Variants in UNC13C observed in about 807,000 individuals in gnomAD.
UNC13C encodes unc-13 homolog C.
A neutral mutation model predicts 245.4 loss-of-function variants in UNC13C; 174 were observed. The ratio of observed to expected loss-of-function variants is 0.71; its 90% CI spans 0.63 to 0.80. The LOEUF (loss-of-function observed/expected upper bound fraction) is 0.80. Among genes scored for constraint, UNC13C ranks in the 30% least tolerant of loss-of-function variants. UNC13C has a pLI of 0.00. For synonymous variants in UNC13C, 992 were observed against 895.1 expected (o/e 1.11, Z -1.93); for missense variants, 2,829 against 2,602.9 (o/e 1.09, Z -1.89).
chr15:54,478,590 G>A (rs1164829587), intron 19 of UNC13C, among the ~76,000 whole-genome samples: 1 of 151,756 alleles, frequency 6.6e-6, no homozygotes, highest in African/African-American at 2.4e-5. Flanking sequence ...TTCAGGAGCA[G>A]GTTGTTCAGT....
chr15:54,516,341 C>T lies in UNC13C; in HGVS notation c.5457+4511C>T, dbSNP rs1032872618. On this transcript the variant is annotated intron_variant, in intron 24 of 32. Coordinates refer to ENST00000260323, the MANE Select transcript of UNC13C (RefSeq NM_001080534.3). ...TGAACTTCAGCACGCATCAGAACTA[C>T]CTGATGAGTTTATGAAAAACACACA... 3.3e-5 allele frequency among the ~76,000 whole-genome samples: 5 copies of T among 152,176 alleles called. No homozygotes were observed. In the South Asian group the frequency reaches 1.0e-3, roughly 32 times the overall value.
chr15:53,879,978 C>T, the UNC13C span, among the ~76,000 whole-genome samples: 81,888 of 145,460 alleles, frequency 0.56, 22,751 homozygotes, highest in Admixed American at 0.66. Flanking sequence ...TGTGTATATA[C>T]ATATATATGT....
chr15:54,572,900 T>A (rs899808842), intron 30 of UNC13C, among the ~76,000 whole-genome samples: 17 of 152,188 alleles, frequency 1.1e-4, no homozygotes, highest in Non-Finnish European at 1.6e-4. Flanking sequence ...CTTATTCTCA[T>A]ATAATTTCCC....
the UNC13C span, among the ~76,000 whole-genome samples, chr15:53,849,989 C>T: frequency 6.6e-6 from 1 of 152,300 alleles, no homozygotes; most frequent in East Asian, 1.9e-4. Flanking sequence ...CCTTCTTTGT[C>T]TTGTCTGTAG....
rs186907742 is a variant in UNC13C, at chr15:54,013,143, C to T, written c.240C>T (p.Asp80=). ...CTCACAACTTATCCACTGAGGAAGA[C>T]GAGGCCAGTAAAGAGTTTTCCCTCT... ...SSTHNLSTEE[D]EASKEFSLSP... The change falls in exon 2 of 33, where the codon GAC becomes GAT. Residue 80 remains aspartate, a synonymous_variant. Transcript: ENST00000260323. 102 of 1,613,822 alleles carry T rather than the reference C, an allele frequency of 6.3e-5. 1 individual carries two copies. The East Asian group carries it at 1.2e-3, about 19-fold the overall frequency.
At position 54,325,727 on chromosome 15, in the gene UNC13C, A is replaced by T. The variant is rs369323809; in HGVS notation, c.4425+3632A>T. Reference sequence around the variant, plus strand: ...CTAAAATTTTTTATAAAATACCTTAAGTCTGTATTAACTTTATAACAACAT... The same window carrying T: ...CTAAAATTTTTTATAAAATACCTTATGTCTGTATTAACTTTATAACAACAT... On this transcript the variant is annotated intron_variant, in intron 14 of 32. Coordinates refer to ENST00000260323, the MANE Select transcript of UNC13C (RefSeq NM_001080534.3). Among the ~76,000 whole-genome samples, 4 of 152,184 alleles carry T rather than the reference A, an allele frequency of 2.6e-5. No homozygotes were observed. In the East Asian group the frequency reaches 5.8e-4, roughly 22 times the overall value.
the UNC13C span, among the ~76,000 whole-genome samples, chr15:53,886,949 C>G: frequency 6.6e-6 from 1 of 152,042 alleles, no homozygotes; most frequent in African/African-American, 2.4e-5. Flanking sequence ...TCAAGGTCAT[C>G]AAAAACAAGG....
At chr15:54,458,784 G>T (rs1388540430) in intron 19 of UNC13C, among the ~76,000 whole-genome samples, 1 of 127,674 alleles carries the variant, frequency 7.8e-6, no homozygotes, top group Admixed American at 9.2e-5. Context: ...AAGTTTATGT[G>T]TATCCTTCTC....
At chr15:53,894,971 A>G in the UNC13C span, among the ~76,000 whole-genome samples, 23 of 148,462 alleles carry the variant, frequency 1.5e-4, no homozygotes, top group African/African-American at 5.7e-4. Flanking sequence ...AATTATGTTT[A>G]TCAATATTAC....
chr15:54,386,089 A>G (rs2039830986), intron 17 of UNC13C, among the ~76,000 whole-genome samples: 1 of 152,186 alleles, frequency 6.6e-6, no homozygotes, highest in South Asian at 2.1e-4. Context: ...CATATTATTA[A>G]TGTGAGGTGA....
intron 13 of UNC13C, among the ~76,000 whole-genome samples, chr15:54,311,604 G>A (rs541182403): frequency 2.0e-5 from 3 of 151,516 alleles, no homozygotes; most frequent in African/African-American, 7.2e-5. Flanking sequence ...AGGAACTTAT[G>A]CACCAAGATC....
chr15:54,275,073 C>G (rs960889418), intron 10 of UNC13C, among the ~76,000 whole-genome samples: 4 of 152,088 alleles, frequency 2.6e-5, no homozygotes, highest in Non-Finnish European at 4.4e-5. Flanking sequence ...TAGACTAAAA[C>G]TTAAATATGC....
intron 30 of UNC13C, among the ~76,000 whole-genome samples, chr15:54,576,388 T>C (rs143192274): frequency 1.3e-5 from 2 of 152,208 alleles, no homozygotes; most frequent in African/African-American, 4.8e-5. Context: ...GTACTCTACA[T>C]GTTAGTATCA....
At chr15:54,040,377 C>T (rs1896760805) in intron 2 of UNC13C, among the ~76,000 whole-genome samples, 1 of 152,102 alleles carries the variant, frequency 6.6e-6, no homozygotes, top group South Asian at 2.1e-4. Context: ...GGTCTGTGAA[C>T]CAGCATGATG....
the UNC13C span, among the ~76,000 whole-genome samples, chr15:53,896,379 G>T: frequency 6.6e-6 from 1 of 152,118 alleles, no homozygotes; most frequent in East Asian, 1.9e-4. Context: ...GAGTGCTGCT[G>T]TGCTCTTCTG....
At chr15:54,290,146 T>C (rs965537030) in intron 10 of UNC13C, among the ~76,000 whole-genome samples, 1 of 152,094 alleles carries the variant, frequency 6.6e-6, no homozygotes, top group African/African-American at 2.4e-5. Flanking sequence ...AGTAAAACTG[T>C]ACGTTTCTGA....
intron 30 of UNC13C, among the ~76,000 whole-genome samples, chr15:54,609,755 A>T (rs2141286635): frequency 6.6e-6 from 1 of 152,294 alleles, no homozygotes; most frequent in East Asian, 1.9e-4. Flanking sequence ...GCTGCTAATA[A>T]AGACATATCC....
the UNC13C span, among the ~76,000 whole-genome samples, chr15:53,903,886 T>C: frequency 2.0e-5 from 3 of 152,214 alleles, no homozygotes; most frequent in Admixed American, 6.5e-5. Flanking sequence ...AAGGAAGATA[T>C]TGAAATTTCC....
chr15:54,437,338 G>GT (rs1890273847), intron 19 of UNC13C, among the ~76,000 whole-genome samples: 2 of 151,898 alleles, frequency 1.3e-5, no homozygotes, highest in African/African-American at 4.8e-5. Context: ...AAATATTGTT[G>GT]TTACATCTAT....
Sources: gnomAD v4.1 joint callset for allele counts (sites outside exome capture counted in the v4.1 genomes callset) on GRCh38, gnomAD v4.1.1 for gene constraint, MANE v1.5 for transcripts, NCBI Gene and HGNC (gene_info 2026-07-23, HGNC 2026-07-21) for gene names.